The following ARHGEF7 variants were observed in gnomAD, a reference collection of about 807,000 sequenced individuals.
ARHGEF7 encodes the protein Rho guanine nucleotide exchange factor 7.
ARHGEF7 carries 33 observed loss-of-function variants against 109.8 expected under a neutral mutation model. That is an observed-to-expected ratio of 0.30 (90% CI 0.23 to 0.40). The LOEUF (loss-of-function observed/expected upper bound fraction) is 0.40, where lower values mean the gene tolerates loss of function less well. Among genes scored for constraint, ARHGEF7 ranks in the 10% least tolerant of loss-of-function variants. The probability of loss-of-function intolerance (pLI) is 1.00; values close to 1 mark genes in which losing one functional copy is unlikely to be tolerated. For synonymous variants in ARHGEF7, 458 were observed against 424.6 expected (o/e 1.08, Z -0.97); for missense variants, 938 against 1,098.5 (o/e 0.85, Z 2.07).
intron 2 of ARHGEF7, among the ~76,000 whole-genome samples, chr13:111,189,115 G>A (rs908833714): frequency 5.3e-5 from 8 of 152,202 alleles, no homozygotes; most frequent in Non-Finnish European, 8.8e-5. Context: ...AAAAGGATAG[G>A]AGGTTGGCTG....
intron 5 of ARHGEF7, among the ~76,000 whole-genome samples, chr13:111,230,314 T>G (rs997628965): frequency 1.3e-5 from 2 of 152,218 alleles, no homozygotes; most frequent in African/African-American, 4.8e-5. Flanking sequence ...CTGCTTTTCT[T>G]AGGATAGTAG....
chr13:111,289,816 G>A (rs1250067049), intron 18 of ARHGEF7, among the ~76,000 whole-genome samples: 1 of 151,814 alleles, frequency 6.6e-6, no homozygotes, highest in Non-Finnish European at 1.5e-5. Flanking sequence ...ACCATTTTCA[G>A]TATTTTACTG....
At chr13:111,202,989 T>G (rs1465928462) in intron 2 of ARHGEF7, 3 of 1,046,370 alleles carry the variant, frequency 2.9e-6, no homozygotes, top group Admixed American at 3.9e-5. Context: ...GGTGGGCAGT[T>G]TCAGCCAATC....
In ARHGEF7 at chr13:111,216,901, C is replaced by T. The variant is rs909256857; in HGVS notation, c.469-778C>T. ...CAGGCCCCAGCCCCTCTGCCTTCCT[C>T]TTTCTGCCTTTCAGAAATCTGAAAA... On this transcript the variant is annotated intron_variant, in intron 4 of 21. Coordinates refer to ENST00000646102, the MANE Select transcript of ARHGEF7 (RefSeq NM_001354046.2). 9.9e-5 allele frequency among the ~76,000 whole-genome samples: 15 copies of T among 152,242 alleles called. 1 individual carries two copies. Among genetic ancestry groups the T allele is most frequent in the Non-Finnish European group, 8.8e-5 (6 of 68,048 alleles).
chr13:111,152,863 G>A (rs903101861), intron 1 of ARHGEF7, among the ~76,000 whole-genome samples: 1 of 152,180 alleles, frequency 6.6e-6, no homozygotes, highest in Non-Finnish European at 1.5e-5. Flanking sequence ...TACTGTTTCT[G>A]GTTTCCTTAG....
In ARHGEF7 at chr13:111,205,299, C is replaced by T; in HGVS notation, c.263C>T (p.Ala88Val). ...AATTTTTCCTTTCAGACGTTTGATG[C>T]AAATGATTTGTATCAGGGGCAGAAT... ...GASLRLETFD[A>V]NDLYQGQNFN... The change falls in exon 3 of 22, where the codon GCA becomes GTA. Residue 88 changes from alanine (A) to valine (V), a missense_variant. Ala to Val is a moderately conservative substitution (Grantham distance 64). This residue lies in a region of ARHGEF7 where 165 missense variants were observed against 125.8 expected (regional missense o/e 1.31). Transcript: ENST00000646102. 1 of 1,599,850 alleles carries T rather than the reference C, an allele frequency of 6.3e-7. No individual in the cohort carries two copies. The highest frequency in any genetic ancestry group is 8.5e-7 in the Non-Finnish European group (1 of 1,176,714).
rs534524152 is a variant in ARHGEF7, at chr13:111,260,293, G to A, written c.951-7255G>A. ...ATAAAACACGAAGTAGATTTAACCC[G>A]TAGAAGACTACCTTATGGGATTTAA... On this transcript the variant is annotated intron_variant, in intron 8 of 21. Transcript: ENST00000646102. Among the ~76,000 whole-genome samples the A allele has an allele frequency of 2.2e-4, 34 of 152,322 alleles. 1 individual carries two copies. The South Asian group carries it at 5.2e-3, about 23-fold the overall frequency.
At chr13:111,233,926 C>G (rs2086442576) in intron 6 of ARHGEF7, among the ~76,000 whole-genome samples, 1 of 152,064 alleles carries the variant, frequency 6.6e-6, no homozygotes, top group Non-Finnish European at 1.5e-5. Flanking sequence ...TTCTTTGTAC[C>G]TAAGCTTATG....
chr13:111,218,285 C>T (rs181806523), intron 5 of ARHGEF7, among the ~76,000 whole-genome samples: 1 of 151,720 alleles, frequency 6.6e-6, no homozygotes. Context: ...GAAGTAATTT[C>T]TGTCATTCTC....
At chr13:111,201,875 C>T (rs1039697406) in intron 2 of ARHGEF7, among the ~76,000 whole-genome samples, 1 of 152,150 alleles carries the variant, frequency 6.6e-6, no homozygotes, top group Admixed American at 6.5e-5. Flanking sequence ...CTCCCCTCCC[C>T]GCCACTTTTA....
At chr13:111,137,248 G>T (rs114972077) in intron 1 of ARHGEF7, among the ~76,000 whole-genome samples, 2,037 of 152,344 alleles carry the variant, frequency 0.013, 51 homozygotes, top group African/African-American at 0.047. Context: ...ATTGTATGAG[G>T]AGAATCTGCT....
In ARHGEF7 at chr13:111,273,300, AC is replaced by A. The variant is rs548803279; in HGVS notation, c.1074-510del. On this transcript the variant is annotated intron_variant, in intron 9 of 21. Transcript: ENST00000646102. The surrounding 1 kb of genome is among the most constrained non-coding windows in gnomAD (Gnocchi z 4.5). Reference sequence around the variant, plus strand: ...TCTCTTGCTGCTTCTCGTGCTCCTCACCCCAAGAGCCATTGCCTACTCCCAG... The same window carrying A: ...TCTCTTGCTGCTTCTCGTGCTCCTCACCCAAGAGCCATTGCCTACTCCCAG... Among the ~76,000 whole-genome samples, 126 of 152,208 alleles carry A rather than the reference AC, an allele frequency of 8.3e-4. No homozygotes were observed. The highest frequency in any genetic ancestry group is 3.0e-3 in the African/African-American group (123 of 41,524).
In ARHGEF7 at chr13:111,251,257, G is replaced by A. The variant is rs568090431; in HGVS notation, c.950+6963G>A. Reference sequence around the variant, plus strand: ...CCAGGGGCTTTGGGAGCCAGGGACAGTTTATCTGATATCACAGGAGAGAGA... The same window carrying A: ...CCAGGGGCTTTGGGAGCCAGGGACAATTTATCTGATATCACAGGAGAGAGA... On this transcript the variant is annotated intron_variant, in intron 8 of 21. Coordinates refer to ENST00000646102, the MANE Select transcript of ARHGEF7 (RefSeq NM_001354046.2). Among the ~76,000 whole-genome samples the A allele has an allele frequency of 1.2e-4, 19 of 152,334 alleles. 1 individual carries two copies. The highest frequency in any genetic ancestry group is 4.1e-4 in the African/African-American group (17 of 41,580).
Position 111,228,525 on chromosome 13 carries a change from C to T in ARHGEF7, c.671-4680C>T, listed in dbSNP as rs745592935. On this transcript the variant is annotated intron_variant, in intron 5 of 21. Coordinates refer to ENST00000646102, the MANE Select transcript of ARHGEF7 (RefSeq NM_001354046.2). The surrounding 1 kb of genome is among the most constrained non-coding windows in gnomAD (Gnocchi z 4.6). ...CTGCTAACACTGTTAAGAGTCTATA[C>T]GTGGTCATTCTCTGTATGTTTATGT... Among the ~76,000 whole-genome samples, 1 of 152,128 alleles carries T rather than the reference C, an allele frequency of 6.6e-6. No homozygotes were observed. Among genetic ancestry groups the T allele is most frequent in the Non-Finnish European group, 1.5e-5 (1 of 68,024 alleles).
chr13:111,290,973 T>C (rs1169861113), intron 18 of ARHGEF7, among the ~76,000 whole-genome samples: 1 of 152,244 alleles, frequency 6.6e-6, no homozygotes, highest in African/African-American at 2.4e-5. Context: ...ATATTTTACC[T>C]AAAATGCAGC....
intron 19 of ARHGEF7, 47 bp from the exon 20 acceptor site, chr13:111,300,701 C>T: frequency 7.8e-7 from 1 of 1,281,112 alleles, no homozygotes; most frequent in Non-Finnish European, 1.1e-6. Context: ...CTTCATTCTG[C>T]CATGGTATTC....
Position 111,233,191 on chromosome 13 carries a change from C to T in ARHGEF7, c.671-14C>T. On this transcript the variant is annotated splice_polypyrimidine_tract_variant and intron_variant, in intron 5 of 21. Transcript: ENST00000646102. Reference sequence around the variant, plus strand: ...AGTACTGATCAGTAAAACTATGTTACATTTTCATTTCAGAGAAGCCTGTGT... The same window carrying T: ...AGTACTGATCAGTAAAACTATGTTATATTTTCATTTCAGAGAAGCCTGTGT... 1 of 1,608,324 alleles carries T rather than the reference C, an allele frequency of 6.2e-7. No homozygotes were observed. The highest frequency in any genetic ancestry group is 8.5e-7 in the Non-Finnish European group (1 of 1,174,746).
chr13:111,180,747 C>T (rs1011164821), intron 2 of ARHGEF7, among the ~76,000 whole-genome samples: 107 of 152,280 alleles, frequency 7.0e-4, no homozygotes, highest in African/African-American at 2.5e-3. Flanking sequence ...AGAATGAGAG[C>T]AGTACAGTTG....
intron 1 of ARHGEF7, chr13:111,143,683 G>A (rs988917438): frequency 1.3e-5 from 2 of 152,172 alleles, no homozygotes; most frequent in African/African-American, 2.4e-5. Flanking sequence ...CAGTTTTCTT[G>A]TACCCAGATT....
Sources: allele counts gnomAD v4.1 joint callset (sites outside exome capture counted in the v4.1 genomes callset), GRCh38; gene constraint gnomAD v4.1.1; regional missense constraint gnomAD v4.1.1; non-coding constraint Gnocchi (gnomAD v3.1); transcripts MANE v1.5; gene names NCBI Gene and HGNC (gene_info 2026-07-23, HGNC 2026-07-21).